SUCNR1: variants seen among roughly 807,000 people sequenced by gnomAD.
SUCNR1 encodes the protein G-protein coupled receptor 91.
Under a neutral mutation model 2.4 loss-of-function variants are expected in SUCNR1, and 5 were observed. The observed-to-expected ratio is 2.07, with a 90% CI of 1.08 to 4.36. SUCNR1 has a LOEUF of 4.36. Among genes scored for constraint, SUCNR1 ranks in the 30% most tolerant of loss-of-function variants. SUCNR1 has a pLI of 0.00. For missense variants in SUCNR1, 373 were observed against 399.2 expected (o/e 0.93, Z 0.56); for synonymous variants, 162 against 143.9 (o/e 1.13, Z -0.90).
At position 151,883,462 on chromosome 3, in the gene SUCNR1, TCACA is replaced by T. The variant is rs1718159629; in HGVS notation, c.*1915_*1918del. 4 of 52,042 alleles carry T rather than the reference TCACA, an allele frequency of 7.7e-5. 1 individual carries two copies. The highest frequency in any genetic ancestry group is 2.7e-4 in the African/African-American group (4 of 15,082). The allele number at this position is 52,042 out of a possible 1,614,324, so 3.2% of individuals were successfully genotyped here. On this transcript the variant is annotated 3_prime_UTR_variant, in exon 3 of 3. Coordinates refer to ENST00000362032, the MANE Select transcript of SUCNR1 (RefSeq NM_033050.6). ...TGAAATATTTTTTCAAACCATAAAC[TCACA>T]TATATATATATATATATATATATAT...
rs1559858536 is a variant in SUCNR1 at position 151,881,862 on chromosome 3, G to GT, written c.*315dup. ...TCTGCATTTGATCACTGGTCAGATT[G>GT]TAAAAAAAAAAAAAATTGTTTTGGC... On this transcript the variant is annotated 3_prime_UTR_variant, in exon 3 of 3. Transcript: ENST00000362032. The GT allele has an allele frequency of 1.0e-5, 2 of 195,804 alleles. No individual in the cohort carries two copies. Among genetic ancestry groups the GT allele is most frequent in the South Asian group, 3.0e-4 (2 of 6,770 alleles). 12.1% of individuals were successfully genotyped at this position (195,804 alleles called of 1,614,324 possible).
chr3:151,880,422 G>A (rs1718053101), intron 2 of SUCNR1, 137 bp from the exon 3 acceptor site: 1 of 645,256 alleles, frequency 1.5e-6, no homozygotes, highest in Non-Finnish European at 2.7e-6. Context: ...ATATATGTGT[G>A]TATGCTTTCC....
chr3:151,876,392 T>TA (rs2108064670), intron 1 of SUCNR1, among the ~76,000 whole-genome samples: 1 of 152,244 alleles, frequency 6.6e-6, no homozygotes, highest in Non-Finnish European at 1.5e-5. Context: ...GTTAATATGT[T>TA]AAAGCCTATT....
At chr3:151,874,914 T>C (rs1029030992) in intron 1 of SUCNR1, among the ~76,000 whole-genome samples, 6 of 152,048 alleles carry the variant, frequency 3.9e-5, no homozygotes, top group Non-Finnish European at 8.8e-5. Context: ...ATGTTATTTG[T>C]TTAATTGTGA....
chr3:151,874,140 ATATATATTTTTTT>A lies in SUCNR1; in HGVS notation c.-42+436_-42+448del, dbSNP rs1219559013. ...CATATACATACATATATATATATAT[ATATATATTTTTTT>A]TTTTTTTTTTTTTTTTTAAGACAGA... is the stretch of plus-strand genomic sequence containing the variant. On this transcript the variant is annotated intron_variant, in intron 1 of 2. Coordinates refer to ENST00000362032, the MANE Select transcript of SUCNR1 (RefSeq NM_033050.6). 9.1e-3 allele frequency among the ~76,000 whole-genome samples: 566 copies of A among 62,216 alleles called. 8 individuals are homozygous for A. The highest frequency in any genetic ancestry group is 0.014 in the Non-Finnish European group (417 of 30,708). The allele number at this position is 62,216 out of a possible 152,430, so 40.8% of individuals were successfully genotyped here.
intron 1 of SUCNR1, 36 bp from the exon 2 acceptor site, chr3:151,879,816 G>A: frequency 1.0e-6 from 1 of 1,003,734 alleles, no homozygotes; most frequent in Non-Finnish European, 1.4e-6. Flanking sequence ...AAAATAGTGA[G>A]ACTGAAGTTC....
chr3:151,880,725 A>T lies in SUCNR1; in HGVS notation c.182A>T (p.Tyr61Phe). The part of the protein sequence containing the change: ...SLKNWNSSNI[Y>F]LFNLSVSDLA... Reference sequence around the variant, plus strand: ...AAGAACTGGAACAGCAGTAATATTTATCTCTTTAACCTCTCTGTCTCTGAC... The same window carrying T: ...AAGAACTGGAACAGCAGTAATATTTTTCTCTTTAACCTCTCTGTCTCTGAC... Residue 61 changes from tyrosine to phenylalanine, a missense_variant, in exon 3 of 3, where the codon TAT becomes TTT. Physicochemically the swap from Tyr to Phe is conservative, Grantham distance 22 (BLOSUM62 3). Around this residue, in one of 3 missense-constraint regions of SUCNR1, gnomAD observed 184 missense variants for 162.2 expected, o/e 1.13. Transcript: ENST00000362032. 1.2e-6 allele frequency: 2 copies of T among 1,614,096 alleles called. No homozygotes were observed. The highest frequency in any genetic ancestry group is 1.7e-6 in the Non-Finnish European group (2 of 1,179,948).
chr3:151,881,512 G>A, the SUCNR1 span: 10 of 1,610,656 alleles, frequency 6.2e-6, no homozygotes, highest in East Asian at 4.5e-5. Context: ...TTAGCAGATG[G>A]GCTCATGAAC....
At chr3:151,878,388 T>C (rs1347536203) in intron 1 of SUCNR1, among the ~76,000 whole-genome samples, 1 of 152,042 alleles carries the variant, frequency 6.6e-6, no homozygotes, top group South Asian at 2.1e-4. Flanking sequence ...AATGGTACCA[T>C]GGGAATACTG....
chr3:151,880,922 C>G lies in SUCNR1; in HGVS notation c.379C>G (p.Pro127Ala). The G allele has an allele frequency of 6.2e-7, 1 of 1,613,974 alleles. No homozygotes were observed. Among genetic ancestry groups the G allele is most frequent in the Non-Finnish European group, 8.5e-7 (1 of 1,179,996 alleles). The change falls in exon 3 of 3, where the codon CCT (proline) becomes GCT (alanine). Residue 127 changes from proline to alanine, a missense_variant. Around this residue, in one of 3 missense-constraint regions of SUCNR1, gnomAD observed 184 missense variants for 162.2 expected, o/e 1.13. Coordinates refer to ENST00000362032, the MANE Select transcript of SUCNR1 (RefSeq NM_033050.6). ...AGATCGATACTTGATAATTAAGTAT[C>G]CTTTCCGAGAACACCTTCTGCAAAA... ...SIDRYLIIKY[P>A]FREHLLQKKE...
Position 151,881,721 on chromosome 3 carries a change from TAAGA to T in SUCNR1, c.*175_*178del. On this transcript the variant is annotated 3_prime_UTR_variant, in exon 3 of 3. Coordinates refer to ENST00000362032, the MANE Select transcript of SUCNR1 (RefSeq NM_033050.6). The stretch of plus-strand genomic sequence containing the variant: ...ACAAGAATGTACTGGTTTCTTCCTC[TAAGA>T]ATTGAAAGGAGTTGAACTGCCTTAT... 1.6e-6 allele frequency: 1 copy of T among 635,686 alleles called. No homozygotes were observed. The highest frequency in any genetic ancestry group is 2.8e-5 in the East Asian group (1 of 35,154). The allele number at this position is 635,686 out of a possible 1,614,324, so 39.4% of individuals were successfully genotyped here. A position where few individuals can be genotyped will look rare whatever the true frequency, so the allele number is the denominator to read the frequency against.
intron 1 of SUCNR1, 103 bp downstream of exon 1, chr3:151,873,809 A>C (rs1559855768): frequency 6.6e-6 from 1 of 152,540 alleles, no homozygotes; most frequent in Non-Finnish European, 1.5e-5. Context: ...TTAAGTGTTT[A>C]AATTAATTCT....
At chr3:151,878,388 T>G (rs1347536203) in intron 1 of SUCNR1, among the ~76,000 whole-genome samples, 1 of 152,042 alleles carries the variant, frequency 6.6e-6, no homozygotes, top group Non-Finnish European at 1.5e-5. Flanking sequence ...AATGGTACCA[T>G]GGGAATACTG....
At position 151,881,338 on chromosome 3, in the gene SUCNR1, G is replaced by GT; in HGVS notation, c.796dup (p.Tyr266LeufsTer56). 2 of 1,614,188 alleles carry GT rather than the reference G, an allele frequency of 1.2e-6. No homozygotes were observed. The highest frequency in any genetic ancestry group is 1.7e-6 in the Non-Finnish European group (2 of 1,179,998). On this transcript the variant is annotated frameshift_variant, in exon 3 of 3. Transcript: ENST00000362032. LOFTEE classifies it low-confidence loss of function (END_TRUNC). ...CTTCACGCCTGGGGAGTTGGAAGCA[G>GT]TATCAGTGCACTCAGGTCGTCATCA...
At chr3:151,873,961 C>T (rs2108062692) in intron 1 of SUCNR1, among the ~76,000 whole-genome samples, 1 of 150,766 alleles carries the variant, frequency 6.6e-6, no homozygotes, top group East Asian at 1.9e-4. Flanking sequence ...ATTATATTTG[C>T]TAACATCTCA....
intron 1 of SUCNR1, among the ~76,000 whole-genome samples, chr3:151,874,140 ATATATATTTTTT>A (rs1559855939): frequency 4.8e-5 from 3 of 62,214 alleles, no homozygotes; most frequent in South Asian, 5.5e-4. Context: ...ATATATATAT[ATATATATTTTTT>A]TTTTTTTTTT....
chr3:151,873,968 C>CAACTTATATTTCAACTTATATT (rs1717825168), intron 1 of SUCNR1, among the ~76,000 whole-genome samples: 1 of 150,882 alleles, frequency 6.6e-6, no homozygotes, highest in Non-Finnish European at 1.5e-5. Flanking sequence ...TTGCTAACAT[C>CAACTTATATTTCAACTTATATT]TCAACAACTT....
Position 151,880,660 on chromosome 3 carries a change from T to C in SUCNR1, c.117T>C (p.Leu39=), listed in dbSNP as rs1353452151. The C allele has an allele frequency of 4.3e-6, 7 of 1,614,040 alleles. No individual in the cohort carries two copies. The highest frequency in any genetic ancestry group is 5.9e-6 in the Non-Finnish European group (7 of 1,180,010). The change falls in exon 3 of 3, where the codon CTT becomes CTC. Residue 39 remains leucine (L), a synonymous_variant. Transcript: ENST00000362032. ...FYGIEFVVGV[L]GNTIVVYGYI... ...GGATTGAGTTCGTTGTGGGAGTCCT[T>C]GGAAATACCATTGTTGTTTACGGCT...
At chr3:151,879,740 A>C (rs1036563654) in intron 1 of SUCNR1, 112 bp from the exon 2 acceptor site, 14 of 481,558 alleles carry the variant, frequency 2.9e-5, no homozygotes, top group Non-Finnish European at 5.2e-5. Context: ...CTGAAGTTGT[A>C]TCATAGTTTA....
Sources: gnomAD v4.1 joint callset for allele counts (sites outside exome capture counted in the v4.1 genomes callset) on GRCh38, gnomAD v4.1.1 for gene constraint, gnomAD v4.1.1 regional missense constraint, MANE v1.5 for transcripts, NCBI Gene and HGNC (gene_info 2026-07-23, HGNC 2026-07-21) for gene names.